VENTX: variants seen among roughly 807,000 people sequenced by gnomAD.
The protein encoded by VENTX is homeobox protein VENTX.
A neutral mutation model predicts 10.5 loss-of-function variants in VENTX; 13 were observed. The observed-to-expected ratio is 1.23, with a 90% CI of 0.80 to 1.96. The LOEUF (loss-of-function observed/expected upper bound fraction) is 1.96, where lower values mean the gene tolerates loss of function less well. Ranked by LOEUF, VENTX falls within the 30% of genes most tolerant of loss-of-function variation. VENTX has a pLI of 0.00. For synonymous variants in VENTX, 177 were observed against 150.4 expected (o/e 1.18, Z -1.29); for missense variants, 400 against 341.8 (o/e 1.17, Z -1.34).
intron 2 of VENTX, 34 bp from the exon 3 acceptor site, chr10:133,239,898 T>C (rs1251549414): frequency 6.2e-7 from 1 of 1,608,916 alleles, no homozygotes; most frequent in Admixed American, 1.7e-5. Flanking sequence ...GGTGGCCTAG[T>C]CTCACCCCTG....
rs1046465478 is a variant in VENTX at position 133,241,010 on chromosome 10, G to GA, written c.*709dup. On this transcript the variant is annotated 3_prime_UTR_variant, in exon 3 of 3. Coordinates refer to ENST00000325980, the MANE Select transcript of VENTX (RefSeq NM_014468.4). The stretch of plus-strand genomic sequence containing the variant: ...ATCATTTGTTTTTTAAAAGGGGTTG[G>GA]AAAAACTGGTTTTCCAGTTGGAAAC... 17 of 152,318 alleles carry GA rather than the reference G, an allele frequency of 1.1e-4. No individual in the cohort carries two copies. The highest frequency in any genetic ancestry group is 4.1e-4 in the African/African-American group (17 of 41,558). 9.4% of individuals were successfully genotyped at this position (152,318 alleles called of 1,614,324 possible).
In VENTX at chr10:133,241,823, G is replaced by A. The variant is rs537046049; in HGVS notation, c.*1517G>A. 3.3e-5 allele frequency: 5 copies of A among 152,446 alleles called. No homozygotes were observed. Among genetic ancestry groups the A allele is most frequent in the South Asian group, 2.1e-4 (1 of 4,834 alleles). 9.4% of individuals were successfully genotyped at this position (152,446 alleles called of 1,614,324 possible). ...TGACAGAAGCCTGGGCGAGGCCCTC[G>A]GAGGGCAGCAGCTGGACAGGGACTA... On this transcript the variant is annotated 3_prime_UTR_variant, in exon 3 of 3. Coordinates refer to ENST00000325980, the MANE Select transcript of VENTX (RefSeq NM_014468.4).
chr10:133,238,066 C>A lies in VENTX; in HGVS notation c.152C>A (p.Thr51Lys). ...GGGAGCCTCCCTGGCCCAGGCCAGA[C>A]ATCCGGCGCCCGGGAGCCCCCTCAG... is the stretch of plus-strand genomic sequence containing the variant. ...SLGSLPGPGQ[T>K]SGAREPPQAV... is the part of the protein sequence containing the mutation. The change falls in exon 1 of 3, where the codon ACA (threonine) becomes AAA (lysine). Residue 51 changes from threonine to lysine, a missense_variant. Physicochemically the swap from Thr to Lys is moderately conservative, Grantham distance 78. Transcript: ENST00000325980. The A allele has an allele frequency of 6.3e-7, 1 of 1,596,980 alleles. No individual in the cohort carries two copies. Among genetic ancestry groups the A allele is most frequent in the Middle Eastern group, 1.9e-4 (1 of 5,262 alleles).
chr10:133,237,902 C>G lies in VENTX; in HGVS notation c.-13C>G. The G allele has an allele frequency of 6.4e-7, 1 of 1,571,812 alleles. No individual in the cohort carries two copies. Among genetic ancestry groups the G allele is most frequent in the Non-Finnish European group, 8.6e-7 (1 of 1,164,526 alleles). On this transcript the variant is annotated 5_prime_UTR_variant, in exon 1 of 3. Coordinates refer to ENST00000325980, the MANE Select transcript of VENTX (RefSeq NM_014468.4). ...AGCCCCGCCTGGCCTTCCCTCCGGC[C>G]CACCTGGCCGCCATGCGCCTCTCCT... is the stretch of plus-strand genomic sequence containing the variant.
At position 133,237,878 on chromosome 10, in the gene VENTX, GC is replaced by G; in HGVS notation, c.-33del. On this transcript the variant is annotated 5_prime_UTR_variant, in exon 1 of 3. Coordinates refer to ENST00000325980, the MANE Select transcript of VENTX (RefSeq NM_014468.4). ...CCGAGGTGGATCCTGCGCCTGGCCA[GC>G]CCCGCCTGGCCTTCCCTCCGGCCCA... 1 of 1,537,936 alleles carries G rather than the reference GC, an allele frequency of 6.5e-7. No homozygotes were observed. The highest frequency in any genetic ancestry group is 2.4e-5 in the East Asian group (1 of 42,350).
rs1424948843 is a variant in VENTX at position 133,241,505 on chromosome 10, T to A, written c.*1199T>A. On this transcript the variant is annotated 3_prime_UTR_variant, in exon 3 of 3. Transcript: ENST00000325980. ...TGGTGCAGACTCCTGACTGCGTGCA[T>A]GAAACCTGAGACAAGTGCAATTCCT... The A allele has an allele frequency of 6.6e-6, 1 of 152,258 alleles. No homozygotes were observed. The highest frequency in any genetic ancestry group is 2.4e-5 in the African/African-American group (1 of 41,462). The allele number at this position is 152,258 out of a possible 1,614,324, so 9.4% of individuals were successfully genotyped here.
rs755770897 is a variant in VENTX, at chr10:133,240,290, C to T, written c.761C>T (p.Thr254Met). ...CGGGGCCTGTGTGCTATGCCACAGA[C>T]GGGGGATGCATTTTGAGGAGGCACC... ...GPRGLCAMPQTGDAF is the reference protein window; with the variant it reads ...GPRGLCAMPQMGDAF The change falls in exon 3 of 3, where the codon ACG (threonine) becomes ATG (methionine). Residue 254 changes from threonine (T) to methionine (M), a missense_variant. Thr to Met is a moderately conservative substitution (Grantham distance 81). Transcript: ENST00000325980. 2.0e-5 allele frequency: 32 copies of T among 1,583,020 alleles called. No individual in the cohort carries two copies. The highest frequency in any genetic ancestry group is 1.1e-4 in the South Asian group (10 of 88,740).
Position 133,240,114 on chromosome 10 carries a change from G to A in VENTX, c.585G>A (p.Leu195=), listed in dbSNP as rs1195942907. Residue 195 remains leucine (L), a synonymous_variant, in exon 3 of 3, where the codon CTG becomes CTA. Coordinates refer to ENST00000325980, the MANE Select transcript of VENTX (RefSeq NM_014468.4). ...CACCCCTGTCCGGGCCCCAGGCTCT[G>A]ATGCTGCCCCCTGGCTCCTTCTGGG... is the stretch of plus-strand genomic sequence containing the variant. The part of the protein sequence containing the change: ...PWAPLSGPQA[L]MLPPGSFWGL... 6.2e-7 allele frequency: 1 copy of A among 1,610,620 alleles called. No individual in the cohort carries two copies. The highest frequency in any genetic ancestry group is 1.7e-5 in the Admixed American group (1 of 60,020).
In VENTX at chr10:133,241,187, TGCAGTGCGCTCTAG is replaced by T. The variant is rs1845930890; in HGVS notation, c.*884_*897del. On this transcript the variant is annotated 3_prime_UTR_variant, in exon 3 of 3. Coordinates refer to ENST00000325980, the MANE Select transcript of VENTX (RefSeq NM_014468.4). ...CATGAAGGCGAGGATGCTGGGGCCC[TGCAGTGCGCTCTAG>T]GCTGTGCGTGAGCCGGGACTGTACC... 1 of 152,622 alleles carries T rather than the reference TGCAGTGCGCTCTAG, an allele frequency of 6.6e-6. No homozygotes were observed. Among genetic ancestry groups the T allele is most frequent in the Non-Finnish European group, 1.5e-5 (1 of 68,150 alleles). 9.5% of individuals were successfully genotyped at this position (152,622 alleles called of 1,614,324 possible). A position where few individuals can be genotyped will look rare whatever the true frequency, so the allele number is the denominator to read the frequency against.
At position 133,238,212 on chromosome 10, in the gene VENTX, A is replaced by G. The variant is rs558299464; in HGVS notation, c.241+57A>G. The G allele has an allele frequency of 3.8e-5, 57 of 1,506,910 alleles. No individual in the cohort carries two copies. The African/African-American group carries it at 7.7e-4, about 20-fold the overall frequency. The allele number at this position is 1,506,910 out of a possible 1,614,324, so 93.3% of individuals were successfully genotyped here. A position where few individuals can be genotyped will look rare whatever the true frequency, so the allele number is the denominator to read the frequency against. On this transcript the variant is annotated intron_variant, in intron 1 of 2. Coordinates refer to ENST00000325980, the MANE Select transcript of VENTX (RefSeq NM_014468.4). Reference sequence around the variant, plus strand: ...CCAGGTGGAGATGGGAGTGGGGGAGAGGCCAGGAGCCCGGCGGCTGCACTC... The same window carrying G: ...CCAGGTGGAGATGGGAGTGGGGGAGGGGCCAGGAGCCCGGCGGCTGCACTC...
Position 133,241,540 on chromosome 10 carries a change from C to T in VENTX, c.*1234C>T, listed in dbSNP as rs1845934559. ...GACAAGTGCAATTCCTTCCATGTCGCCCCAGAGTGCCCAGGAGGCAGGCAG... is the reference window on the plus strand; with the variant it reads ...GACAAGTGCAATTCCTTCCATGTCGTCCCAGAGTGCCCAGGAGGCAGGCAG... On this transcript the variant is annotated 3_prime_UTR_variant, in exon 3 of 3. Transcript: ENST00000325980. 2 of 152,252 alleles carry T rather than the reference C, an allele frequency of 1.3e-5. No individual in the cohort carries two copies. Among genetic ancestry groups the T allele is most frequent in the South Asian group, 4.1e-4 (2 of 4,834 alleles). The allele number at this position is 152,252 out of a possible 1,614,324, so 9.4% of individuals were successfully genotyped here.
At position 133,240,381 on chromosome 10, in the gene VENTX, T is replaced by C. The variant is rs1589789511; in HGVS notation, c.*75T>C. 4 of 1,491,800 alleles carry C rather than the reference T, an allele frequency of 2.7e-6. No individual in the cohort carries two copies. In the East Asian group the frequency reaches 9.2e-5, roughly 34 times the overall value. The allele number at this position is 1,491,800 out of a possible 1,614,324, so 92.4% of individuals were successfully genotyped here. A position where few individuals can be genotyped will look rare whatever the true frequency, so the allele number is the denominator to read the frequency against. ...TCCTACCTGGAGGACTCAGTTGTTC[T>C]GTTTACATCCTGGTGGCACCTCTCA... On this transcript the variant is annotated 3_prime_UTR_variant, in exon 3 of 3. Transcript: ENST00000325980.
rs1171984137 is a variant in VENTX, at chr10:133,238,038, C to G, written c.124C>G (p.Leu42Val). The change falls in exon 1 of 3, where the codon CTG becomes GTG. Residue 42 changes from leucine (L) to valine (V), a missense_variant. Coordinates refer to ENST00000325980, the MANE Select transcript of VENTX (RefSeq NM_014468.4). ...CACCCCCAGGCCTGCCGACTTCTCCCTGGGGAGCCTCCCTGGCCCAGGCCA... is the reference window on the plus strand; with the variant it reads ...CACCCCCAGGCCTGCCGACTTCTCCGTGGGGAGCCTCCCTGGCCCAGGCCA... ...THTPRPADFS[L>V]GSLPGPGQTS... The G allele has an allele frequency of 6.2e-7, 1 of 1,600,866 alleles. No homozygotes were observed. The highest frequency in any genetic ancestry group is 1.7e-5 in the Admixed American group (1 of 58,996).
In VENTX at chr10:133,238,155, G is replaced by C. The variant is rs1351241959; in HGVS notation, c.241G>C (p.Gly81Arg). ...NLPAPERTMA[G>R]LSKEPNTLRA... Reference sequence around the variant, plus strand: ...GCCTGCGCCGGAGAGGACCATGGCCGGTAGGTCCGGGTGGGGGGGGTCCCT... The same window carrying C: ...GCCTGCGCCGGAGAGGACCATGGCCCGTAGGTCCGGGTGGGGGGGGTCCCT... Residue 81 changes from glycine to arginine, a missense_variant and splice_region_variant, in exon 1 of 3, where the codon GGG becomes CGG. Transcript: ENST00000325980. 2.5e-6 allele frequency: 4 copies of C among 1,587,632 alleles called. No individual in the cohort carries two copies. Among genetic ancestry groups the C allele is most frequent in the Non-Finnish European group, 3.4e-6 (4 of 1,165,908 alleles).
intron 1 of VENTX, 43 bp from the exon 2 acceptor site, chr10:133,239,632 AT>A: frequency 1.9e-6 from 3 of 1,606,620 alleles, no homozygotes; most frequent in Non-Finnish European, 2.5e-6. Flanking sequence ...AGCTTGCCCC[AT>A]GGGGTGGCAT....
At position 133,238,928 on chromosome 10, in the gene VENTX, C is replaced by A. The variant is rs952277012; in HGVS notation, c.242-748C>A. Among the ~76,000 whole-genome samples, 2 of 152,296 alleles carry A rather than the reference C, an allele frequency of 1.3e-5. 1 individual carries two copies. Among genetic ancestry groups the A allele is most frequent in the South Asian group, 4.1e-4 (2 of 4,824 alleles). On this transcript the variant is annotated intron_variant, in intron 1 of 2. Transcript: ENST00000325980. Reference sequence around the variant, plus strand: ...CCCAGCTAGCTATCCTGCCCCACCCCAAAAAAGCCAGCCATCCCTGTCCCG... The same window carrying A: ...CCCAGCTAGCTATCCTGCCCCACCCAAAAAAAGCCAGCCATCCCTGTCCCG...
rs142105196 is a variant in VENTX, at chr10:133,240,524, G to GTGTATATATATATATATATATA, written c.*219_*220insGTATATATATATATATATATAT. On this transcript the variant is annotated 3_prime_UTR_variant, in exon 3 of 3. Transcript: ENST00000325980. ...TAAATATATATATACATATGTGTGT[G>GTGTATATATATATATATATATA]TATATATATATATATTTTTTTTTTT... is the stretch of plus-strand genomic sequence containing the variant. 4.4e-5 allele frequency: 3 copies of GTGTATATATATATATATATATA among 68,782 alleles called. No homozygotes were observed. Among genetic ancestry groups the GTGTATATATATATATATATATA allele is most frequent in the African/African-American group, 2.2e-4 (3 of 13,816 alleles). 4.3% of individuals were successfully genotyped at this position (68,782 alleles called of 1,614,324 possible).
intron 2 of VENTX, 41 bp from the exon 3 acceptor site, chr10:133,239,891 G>A: frequency 6.2e-7 from 1 of 1,608,042 alleles, no homozygotes; most frequent in Non-Finnish European, 8.5e-7. Context: ...GTGGGCTGGT[G>A]GCCTAGTCTC....
Position 133,240,151 on chromosome 10 carries a change from G to A in VENTX, c.622G>A (p.Val208Met), listed in dbSNP as rs1307353930. 1.2e-6 allele frequency: 2 copies of A among 1,609,460 alleles called. No homozygotes were observed. The highest frequency in any genetic ancestry group is 1.7e-6 in the Non-Finnish European group (2 of 1,179,916). The change falls in exon 3 of 3, where the codon GTG (valine) becomes ATG (methionine). Residue 208 changes from valine to methionine, a missense_variant. Transcript: ENST00000325980. ...TGGCTCCTTCTGGGGTCTCTGCCAA[G>A]TGGCACAAGAGGCCCTGGCATCTGC... ...PPGSFWGLCQ[V>M]AQEALASAGA...
Sources: allele counts gnomAD v4.1 joint callset (sites outside exome capture counted in the v4.1 genomes callset), GRCh38; gene constraint gnomAD v4.1.1; transcripts MANE v1.5; gene names NCBI Gene and HGNC (gene_info 2026-07-23, HGNC 2026-07-21).